The following SEL1L3 variants were observed in gnomAD, a reference collection of about 807,000 sequenced individuals.
SEL1L3 encodes SEL1L family member 3, also known as protein sel-1 homolog 3.
A neutral mutation model predicts 142.8 loss-of-function variants in SEL1L3; 76 were observed. The observed-to-expected ratio is 0.53, with a 90% CI of 0.44 to 0.64. The LOEUF is 0.64. Ranked by LOEUF, SEL1L3 falls within the 30% of genes least tolerant of loss-of-function variation. The pLI is 0.00. For synonymous variants in SEL1L3, 504 were observed against 519.6 expected, an observed-to-expected ratio of 0.97 and a Z score of 0.41; for missense variants, 1,262 against 1,381.7, an observed-to-expected ratio of 0.91 and a Z score of 1.37.
rs1437045348 is a variant in SEL1L3, at chr4:25,793,826, A to G, written c.1957-3252T>C. 2.0e-5 allele frequency among the ~76,000 whole-genome samples: 3 copies of G among 152,340 alleles called. No individual in the cohort carries two copies. The East Asian group carries it at 5.8e-4, about 29-fold the overall frequency. Reference sequence around the variant, plus strand: ...TGACCTAGGTTCAAATCTAGGCTCCACTACTCATTTGCTGTGTGACTTTGG... The same window carrying G: ...TGACCTAGGTTCAAATCTAGGCTCCGCTACTCATTTGCTGTGTGACTTTGG... On this transcript the variant is annotated intron_variant, in intron 11 of 23. Transcript: ENST00000399878.
At position 25,748,526 on chromosome 4, in the gene SEL1L3, C is replaced by G. The variant is rs1017989540; in HGVS notation, c.3298G>C (p.Asp1100His). The G allele has an allele frequency of 6.2e-7, 1 of 1,611,398 alleles. No individual in the cohort carries two copies. The highest frequency in any genetic ancestry group is 8.5e-7 in the Non-Finnish European group (1 of 1,179,080). The change falls in exon 24 of 24, where the codon GAC becomes CAC. Residue 1100 changes from aspartate to histidine, a missense_variant. Asp to His is a moderately conservative substitution (Grantham distance 81, BLOSUM62 -1). Coordinates refer to ENST00000399878, the MANE Select transcript of SEL1L3 (RefSeq NM_015187.5). ...GGACTTGCAGTGGACGTGGCAGTGT[C>G]TGGGGAGGCCTGGGATGGTCTTGGA... The part of the protein sequence containing the change: ...PPPRPSQASP[D>H]TATSTASPAV...
chr4:25,729,918 T>TTCTTCTC, the SEL1L3 span, among the ~76,000 whole-genome samples: 1 of 151,198 alleles, frequency 6.6e-6, no homozygotes, highest in Admixed American at 6.6e-5. Flanking sequence ...TCTTTCTTCT[T>TTCTTCTC]CTTCTTCTCC....
Position 25,852,009 on chromosome 4 carries a change from A to G in SEL1L3, c.163-4145T>C, listed in dbSNP as rs572752692. Reference sequence around the variant, plus strand: ...ATGGGCAACCTGTGGGAAGAGATATATAAAGAAGGGGGTACAATGCAAACT... The same window carrying G: ...ATGGGCAACCTGTGGGAAGAGATATGTAAAGAAGGGGGTACAATGCAAACT... On this transcript the variant is annotated intron_variant, in intron 1 of 23. Coordinates refer to ENST00000399878, the MANE Select transcript of SEL1L3 (RefSeq NM_015187.5). 2.2e-4 allele frequency among the ~76,000 whole-genome samples: 34 copies of G among 152,184 alleles called. No homozygotes were observed. The South Asian group carries it at 7.1e-3, about 32-fold the overall frequency.
At chr4:25,818,691 G>A (rs868092275) in intron 8 of SEL1L3, among the ~76,000 whole-genome samples, 29 of 151,978 alleles carry the variant, frequency 1.9e-4, no homozygotes, top group African/African-American at 6.0e-4. Flanking sequence ...TCTATCTCAG[G>A]GTATGTCTCC....
At chr4:25,754,897 A>G (rs1197834196) in intron 23 of SEL1L3, among the ~76,000 whole-genome samples, 1 of 152,104 alleles carries the variant, frequency 6.6e-6, no homozygotes, top group East Asian at 1.9e-4. Context: ...ATTGATTTTT[A>G]AAAATGTGTG....
intron 6 of SEL1L3, among the ~76,000 whole-genome samples, chr4:25,824,146 T>C (rs1345253182): frequency 1.3e-5 from 2 of 152,186 alleles, no homozygotes; most frequent in African/African-American, 4.8e-5. Context: ...AAAGTTATTA[T>C]CTCTGAGAGT....
intron 7 of SEL1L3, among the ~76,000 whole-genome samples, chr4:25,820,592 T>A (rs1484398370): frequency 1.3e-5 from 2 of 152,240 alleles, no homozygotes; most frequent in Non-Finnish European, 2.9e-5. Context: ...GTTATTTCAG[T>A]GGGTGGGAAC....
At chr4:25,826,650 A>G (rs1287499064) in intron 6 of SEL1L3, among the ~76,000 whole-genome samples, 1 of 152,152 alleles carries the variant, frequency 6.6e-6, no homozygotes, top group East Asian at 1.9e-4. Flanking sequence ...GCGTCTGAGT[A>G]CGGCTAGCTT....
intron 1 of SEL1L3, among the ~76,000 whole-genome samples, chr4:25,856,219 A>T (rs1350678932): frequency 6.6e-6 from 1 of 152,204 alleles, no homozygotes; most frequent in Non-Finnish European, 1.5e-5. Context: ...TGGCAAGTTC[A>T]TCCATGTTAC....
chr4:25,786,991 G>A (rs1711887800), intron 13 of SEL1L3, among the ~76,000 whole-genome samples: 1 of 152,176 alleles, frequency 6.6e-6, no homozygotes, highest in African/African-American at 2.4e-5. Flanking sequence ...GGGGGCAGCT[G>A]CTTTCTTTGG....
At chr4:25,825,986 T>A (rs1715072888) in intron 6 of SEL1L3, among the ~76,000 whole-genome samples, 1 of 152,138 alleles carries the variant, frequency 6.6e-6, no homozygotes, top group Non-Finnish European at 1.5e-5. Context: ...TGGTCTAAAT[T>A]CTGACCCCCT....
chr4:25,808,936 G>C (rs1361422374), intron 9 of SEL1L3, among the ~76,000 whole-genome samples: 4 of 125,874 alleles, frequency 3.2e-5, no homozygotes, highest in African/African-American at 1.2e-4. Context: ...AGCAGGGTGT[G>C]GTGGCGAGTG....
chr4:25,796,451 G>T (rs1186071649), intron 11 of SEL1L3, among the ~76,000 whole-genome samples: 2 of 151,622 alleles, frequency 1.3e-5, no homozygotes, highest in Admixed American at 6.6e-5. Context: ...AAAAAAATAT[G>T]TGTGTGTGTG....
At chr4:25,777,905 G>T (rs561481874) in intron 16 of SEL1L3, 1 of 455,528 alleles carries the variant, frequency 2.2e-6, no homozygotes, top group African/African-American at 2.0e-5. Flanking sequence ...TAAAGAGCAG[G>T]ATAGTAAATA....
intron 11 of SEL1L3, among the ~76,000 whole-genome samples, chr4:25,801,769 C>T (rs999616450): frequency 1.3e-5 from 2 of 152,152 alleles, no homozygotes; most frequent in African/African-American, 4.8e-5. Flanking sequence ...TAGCAAGGCT[C>T]ATGGCATGGG....
the SEL1L3 span, among the ~76,000 whole-genome samples, chr4:25,725,855 A>G: frequency 2.6e-5 from 4 of 152,156 alleles, no homozygotes; most frequent in African/African-American, 9.7e-5. Flanking sequence ...TATTATAATT[A>G]GTGCATAATG....
intron 11 of SEL1L3, among the ~76,000 whole-genome samples, chr4:25,791,251 C>G (rs1164123888): frequency 6.6e-6 from 1 of 152,128 alleles, no homozygotes; most frequent in Non-Finnish European, 1.5e-5. Context: ...TTGGCTATTT[C>G]CAAAAATTAA....
chr4:25,862,920 C>T lies in SEL1L3; in HGVS notation c.-84G>A. 3 of 955,168 alleles carry T rather than the reference C, an allele frequency of 3.1e-6. No homozygotes were observed. The highest frequency in any genetic ancestry group is 3.7e-6 in the Non-Finnish European group (3 of 801,984). The allele number at this position is 955,168 out of a possible 1,614,324, so 59.2% of individuals were successfully genotyped here. A position where few individuals can be genotyped will look rare whatever the true frequency, so the allele number is the denominator to read the frequency against. ...CCCGAGGCGCCACCTTCCCGCCCGC[C>T]CCCGGCCGGGCCGGCCGCCGCGCGC... On this transcript the variant is annotated 5_prime_UTR_variant, in exon 1 of 24. Coordinates refer to ENST00000399878, the MANE Select transcript of SEL1L3 (RefSeq NM_015187.5).
chr4:25,753,913 G>T (rs768379130), intron 23 of SEL1L3, among the ~76,000 whole-genome samples: 1 of 152,112 alleles, frequency 6.6e-6, no homozygotes, highest in African/African-American at 2.4e-5. Flanking sequence ...GAATCCGAGA[G>T]ATGGAGGTTG....
Sources: allele counts gnomAD v4.1 joint callset (sites outside exome capture counted in the v4.1 genomes callset), GRCh38; gene constraint gnomAD v4.1.1; transcripts MANE v1.5; gene names NCBI Gene and HGNC (gene_info 2026-07-23, HGNC 2026-07-21).